ANTXR1: variants seen among roughly 807,000 people sequenced by gnomAD.
The protein encoded by ANTXR1 is anthrax toxin receptor 1.
Under a neutral mutation model 78.1 loss-of-function variants are expected in ANTXR1, and 19 were observed. The ratio of observed to expected loss-of-function variants is 0.24; its 90% confidence interval spans 0.17 to 0.36. The LOEUF (loss-of-function observed/expected upper bound fraction) is 0.36, where lower values mean the gene tolerates loss of function less well. ANTXR1 is among the 10% of genes least tolerant of loss of function. The pLI is 1.00. For missense variants in ANTXR1, 518 were observed against 718.6 expected, an observed-to-expected ratio of 0.72 and a Z score of 3.19; for synonymous variants, 273 against 260.5, an observed-to-expected ratio of 1.05 and a Z score of -0.46.
intron 14 of ANTXR1, among the ~76,000 whole-genome samples, chr2:69,180,360 C>T (rs1387700270): frequency 1.3e-5 from 2 of 152,210 alleles, no homozygotes; most frequent in African/African-American, 4.8e-5. Flanking sequence ...TTTCCAGCTT[C>T]CTTTCTCTAC....
chr2:69,099,507 A>G (rs1011047788), intron 9 of ANTXR1, among the ~76,000 whole-genome samples: 1 of 152,228 alleles, frequency 6.6e-6, no homozygotes, highest in Non-Finnish European at 1.5e-5. Context: ...TTAACTTTGT[A>G]GAAGAACTGC....
chr2:69,236,055 G>A (rs1675755744), intron 17 of ANTXR1, among the ~76,000 whole-genome samples: 2 of 152,152 alleles, frequency 1.3e-5, no homozygotes, highest in South Asian at 4.1e-4. Context: ...CATGAGAACA[G>A]CATGGGGAAA....
chr2:69,069,581 A>G (rs1164219461), intron 3 of ANTXR1, among the ~76,000 whole-genome samples: 1 of 152,156 alleles, frequency 6.6e-6, no homozygotes, highest in Non-Finnish European at 1.5e-5. Flanking sequence ...TTTGCAGAGG[A>G]GAAAGCCTTT....
chr2:69,079,629 G>T (rs1670842218), intron 8 of ANTXR1, among the ~76,000 whole-genome samples: 1 of 152,228 alleles, frequency 6.6e-6, no homozygotes, highest in East Asian at 1.9e-4. Context: ...GCCTCGAAGG[G>T]GTTTTGCCTC....
intron 16 of ANTXR1, among the ~76,000 whole-genome samples, 175 bp from the exon 17 acceptor site, chr2:69,193,160 C>T: frequency 6.6e-6 from 1 of 152,168 alleles, no homozygotes. Context: ...CTCCTCCATT[C>T]ATGAAGCTCC....
chr2:69,139,212 T>A (rs951061566), intron 12 of ANTXR1, among the ~76,000 whole-genome samples: 3 of 152,280 alleles, frequency 2.0e-5, no homozygotes, highest in Non-Finnish European at 2.9e-5. Flanking sequence ...TTCTTTCACC[T>A]ATCCAATTTC....
At chr2:69,202,255 A>C (rs972854235) in intron 17 of ANTXR1, among the ~76,000 whole-genome samples, 2 of 152,196 alleles carry the variant, frequency 1.3e-5, no homozygotes, top group African/African-American at 4.8e-5. Flanking sequence ...GTAAGAGGAA[A>C]GTCTGGGGTC....
intron 3 of ANTXR1, among the ~76,000 whole-genome samples, chr2:69,067,200 T>TG (rs951766034): frequency 3.3e-5 from 5 of 151,360 alleles, no homozygotes; most frequent in African/African-American, 1.2e-4. Context: ...GGTGGTATAA[T>TG]GGGGAGGTTG....
At chr2:69,208,572 C>T (rs1352177962) in intron 17 of ANTXR1, among the ~76,000 whole-genome samples, 1 of 152,102 alleles carries the variant, frequency 6.6e-6, no homozygotes, top group Non-Finnish European at 1.5e-5. Context: ...TTAATTTCAC[C>T]TGTCTCTTTT....
chr2:69,024,522 A>G (rs1185803335), intron 1 of ANTXR1, among the ~76,000 whole-genome samples: 1 of 152,150 alleles, frequency 6.6e-6, no homozygotes, highest in Non-Finnish European at 1.5e-5. Context: ...CAGTCAGAGA[A>G]CCAGCAAAGA....
Position 69,058,825 on chromosome 2 carries a change from T to C in ANTXR1, c.297-11822T>C, listed in dbSNP as rs143782958. On this transcript the variant is annotated intron_variant, in intron 3 of 17. Transcript: ENST00000303714. ...CATTGTAGATGCCATTAAGAACATT[T>C]GTGATTCATGCAGGAGTGGCCAAAA... 2.8e-3 allele frequency among the ~76,000 whole-genome samples: 430 copies of C among 152,344 alleles called. 2 individuals carry two copies. Among genetic ancestry groups the C allele is most frequent in the African/African-American group, 9.6e-3 (401 of 41,586 alleles).
At chr2:69,087,911 A>G (rs946585275) in intron 8 of ANTXR1, among the ~76,000 whole-genome samples, 2 of 152,098 alleles carry the variant, frequency 1.3e-5, no homozygotes, top group African/African-American at 4.8e-5. Flanking sequence ...GTGACTTCCT[A>G]CCTTTTGAAA....
At chr2:69,216,486 C>T (rs1219913094) in intron 17 of ANTXR1, among the ~76,000 whole-genome samples, 5 of 152,192 alleles carry the variant, frequency 3.3e-5, no homozygotes, top group African/African-American at 9.6e-5. Context: ...CATATATACA[C>T]ACATGTACAC....
intron 17 of ANTXR1, among the ~76,000 whole-genome samples, chr2:69,235,569 T>C (rs1444528877): frequency 6.7e-6 from 1 of 150,070 alleles, no homozygotes; most frequent in African/African-American, 2.5e-5. Flanking sequence ...GGAGGATCAC[T>C]TGAACCCAGG....
At chr2:69,238,142 A>C (rs560053009) in intron 17 of ANTXR1, among the ~76,000 whole-genome samples, 3 of 151,938 alleles carry the variant, frequency 2.0e-5, no homozygotes, top group African/African-American at 4.8e-5. Flanking sequence ...TGACTAACTA[A>C]CTACCTGTCA....
intron 3 of ANTXR1, among the ~76,000 whole-genome samples, chr2:69,050,670 G>A (rs1669905302): frequency 6.6e-6 from 1 of 152,106 alleles, no homozygotes; most frequent in South Asian, 2.1e-4. Flanking sequence ...TCAGCTTTTT[G>A]TGTTATTGCT....
intron 17 of ANTXR1, among the ~76,000 whole-genome samples, chr2:69,194,635 T>C (rs1674620560): frequency 6.7e-6 from 1 of 149,244 alleles, no homozygotes; most frequent in Admixed American, 6.7e-5. Context: ...GGTAGATCAC[T>C]TGAGGTCAGG....
At chr2:69,047,052 T>C (rs1325499778) in intron 3 of ANTXR1, among the ~76,000 whole-genome samples, 1 of 152,170 alleles carries the variant, frequency 6.6e-6, no homozygotes, top group Non-Finnish European at 1.5e-5. Flanking sequence ...TTCAACCAAA[T>C]GCAGATCAAA....
intron 12 of ANTXR1, among the ~76,000 whole-genome samples, chr2:69,146,964 G>A (rs1008660418): frequency 6.6e-6 from 1 of 152,262 alleles, no homozygotes; most frequent in Non-Finnish European, 1.5e-5. Flanking sequence ...CTCCTGGGGT[G>A]CAATCCGGGA....
Sources: allele counts gnomAD v4.1 joint callset (sites outside exome capture counted in the v4.1 genomes callset), GRCh38; gene constraint gnomAD v4.1.1; transcripts MANE v1.5; gene names NCBI Gene and HGNC (gene_info 2026-07-23, HGNC 2026-07-21).